THBS4: variants seen among roughly 807,000 people sequenced by gnomAD.
The protein encoded by THBS4 is thrombospondin 4, also known as thrombospondin-4.
A neutral mutation model predicts 115.7 loss-of-function variants in THBS4; 90 were observed. The observed-to-expected ratio is 0.78, with a 90% CI of 0.66 to 0.93. THBS4 has a LOEUF of 0.93. Ranked by LOEUF, THBS4 falls within the 40% of genes least tolerant of loss-of-function variation. The probability of loss-of-function intolerance (pLI) is 0.00; values close to 1 mark genes in which losing one functional copy is unlikely to be tolerated. For missense variants in THBS4, 1,087 were observed against 1,232.7 expected, an observed-to-expected ratio of 0.88 and a Z score of 1.77; for synonymous variants, 460 against 479.3, an observed-to-expected ratio of 0.96 and a Z score of 0.53.
At chr5:79,992,949 G>T (rs1339784899) in intron 1 of THBS4, among the ~76,000 whole-genome samples, 1 of 152,192 alleles carries the variant, frequency 6.6e-6, no homozygotes, top group African/African-American at 2.4e-5. Flanking sequence ...ACTGACAAAG[G>T]CAAGGCAGGG....
At chr5:80,024,070 A>G (rs1832430025) in intron 2 of THBS4, among the ~76,000 whole-genome samples, 1 of 152,166 alleles carries the variant, frequency 6.6e-6, no homozygotes, top group South Asian at 2.1e-4. Context: ...CCACAAAAAT[A>G]AAGATAATAA....
intron 2 of THBS4, among the ~76,000 whole-genome samples, chr5:80,016,411 T>C (rs1158561391): frequency 6.6e-6 from 1 of 152,190 alleles, no homozygotes; most frequent in Admixed American, 6.5e-5. Context: ...ATTTTTATTT[T>C]CTGTGTTCTT....
intron 11 of THBS4, 38 bp downstream of exon 11, chr5:80,070,448 G>A: frequency 6.3e-7 from 1 of 1,584,662 alleles, no homozygotes; most frequent in Non-Finnish European, 8.7e-7. Context: ...CACATGCACT[G>A]TGGCTTTCCA....
At chr5:80,071,220 T>C (rs373113495) in intron 13 of THBS4, 40 bp downstream of exon 13, 1 of 1,551,208 alleles carries the variant, frequency 6.4e-7, no homozygotes, top group African/African-American at 1.4e-5. Flanking sequence ...TGGAATTCAG[T>C]TGACCTTGTT....
chr5:80,000,843 C>T (rs10075285), intron 2 of THBS4, among the ~76,000 whole-genome samples: 32,449 of 151,894 alleles, frequency 0.21, 3,614 homozygotes, highest in Middle Eastern at 0.27. Context: ...GGGTTACGGG[C>T]GGGAATTGTG....
intron 1 of THBS4, among the ~76,000 whole-genome samples, chr5:79,996,591 C>G (rs976506206): frequency 1.3e-5 from 2 of 152,106 alleles, no homozygotes. Context: ...TCTAAAGATA[C>G]TTTGTTACCC....
chr5:80,042,934 C>T (rs545962639), intron 2 of THBS4, among the ~76,000 whole-genome samples: 1 of 152,090 alleles, frequency 6.6e-6, no homozygotes, highest in South Asian at 2.1e-4. Flanking sequence ...CCGCTGCACT[C>T]CACACTTCAG....
intron 1 of THBS4, among the ~76,000 whole-genome samples, chr5:79,995,599 C>G (rs1490751824): frequency 6.6e-6 from 1 of 152,056 alleles, no homozygotes; most frequent in Non-Finnish European, 1.5e-5. Context: ...TCTGAAGATG[C>G]TGGAGAGAAG....
At chr5:80,056,546 C>G (rs918327362) in intron 3 of THBS4, among the ~76,000 whole-genome samples, 6 of 152,140 alleles carry the variant, frequency 3.9e-5, no homozygotes, top group Non-Finnish European at 2.9e-5. Context: ...TCTTAAGATA[C>G]CATCACCTCT....
At chr5:80,020,768 C>A (rs1489938766) in intron 2 of THBS4, among the ~76,000 whole-genome samples, 1 of 152,090 alleles carries the variant, frequency 6.6e-6, no homozygotes, top group African/African-American at 2.4e-5. Flanking sequence ...GCCTGTCTAC[C>A]CTGAGCTTTT....
chr5:80,068,294 C>T (rs1165232490), intron 10 of THBS4, among the ~76,000 whole-genome samples, 169 bp downstream of exon 10: 1 of 152,160 alleles, frequency 6.6e-6, no homozygotes, highest in Non-Finnish European at 1.5e-5. Flanking sequence ...TGGGGAGCAG[C>T]CTGACATCCA....
intron 2 of THBS4, among the ~76,000 whole-genome samples, chr5:80,000,242 A>T (rs1227155389): frequency 1.3e-5 from 2 of 152,226 alleles, no homozygotes; most frequent in Non-Finnish European, 2.9e-5. Flanking sequence ...CACAGCATTT[A>T]GTTGGCACAT....
At chr5:80,068,407 C>A (rs1229485658) in intron 10 of THBS4, 12 of 372,828 alleles carry the variant, frequency 3.2e-5, no homozygotes, top group Non-Finnish European at 5.5e-5. Flanking sequence ...AGCTCCCAAG[C>A]ACCTTCTATG....
chr5:79,997,065 A>C (rs1224170831), intron 1 of THBS4, among the ~76,000 whole-genome samples: 2 of 151,816 alleles, frequency 1.3e-5, no homozygotes, highest in Non-Finnish European at 2.9e-5. Context: ...AGTAACCCAC[A>C]AGAAAGCAAG....
In THBS4 at chr5:80,082,456, T is replaced by TAGAC; in HGVS notation, c.2737_2740dup (p.Thr914ArgfsTer30). On this transcript the variant is annotated frameshift_variant, in exon 21 of 22. Coordinates refer to ENST00000350881, the MANE Select transcript of THBS4 (RefSeq NM_003248.6). LOFTEE classifies it high-confidence loss of function. The stretch of plus-strand genomic sequence containing the variant: ...TTGGTGGCTGACTCTGGCGTCACCA[T>TAGAC]AGACACCACAATGCGTGGAGGCCGA... The TAGAC allele has an allele frequency of 6.2e-7, 1 of 1,614,198 alleles. No individual in the cohort carries two copies. The highest frequency in any genetic ancestry group is 8.5e-7 in the Non-Finnish European group (1 of 1,180,032).
chr5:79,991,842 C>G (rs78837383), intron 1 of THBS4, among the ~76,000 whole-genome samples: 1 of 152,210 alleles, frequency 6.6e-6, no homozygotes, highest in Non-Finnish European at 1.5e-5. Flanking sequence ...CTCACCTTCC[C>G]TGTGATGTTT....
At chr5:80,033,759 T>C (rs1019912795), upstream of THBS4, among the ~76,000 whole-genome samples, 1 of 152,220 alleles carries the variant, frequency 6.6e-6, no homozygotes, top group Non-Finnish European at 1.5e-5. Flanking sequence ...CCCTATTTTA[T>C]GTATCAGAGT....
chr5:80,047,960 A>T (rs890600547), intron 2 of THBS4, among the ~76,000 whole-genome samples: 1 of 151,882 alleles, frequency 6.6e-6, no homozygotes, highest in Non-Finnish European at 1.5e-5. Context: ...TACATTTTTT[A>T]AAAAATTAGC....
Position 80,078,244 on chromosome 5 carries a change from C to T in THBS4, c.2265+17C>T, listed in dbSNP as rs755150731. On this transcript the variant is annotated intron_variant, in intron 17 of 21. Coordinates refer to ENST00000350881, the MANE Select transcript of THBS4 (RefSeq NM_003248.6). Reference sequence around the variant, plus strand: ...CTGAACCAGGTGAGTGTCACATGGGCGGCAATGGCTCAGCCTTGCCTCTCA... The same window carrying T: ...CTGAACCAGGTGAGTGTCACATGGGTGGCAATGGCTCAGCCTTGCCTCTCA... 6.7e-5 allele frequency: 104 copies of T among 1,555,074 alleles called. No individual in the cohort carries two copies. The highest frequency in any genetic ancestry group is 5.2e-4 in the South Asian group (44 of 84,392).
Sources: allele counts gnomAD v4.1 joint callset (sites outside exome capture counted in the v4.1 genomes callset), GRCh38; gene constraint gnomAD v4.1.1; transcripts MANE v1.5; gene names NCBI Gene and HGNC (gene_info 2026-07-23, HGNC 2026-07-21).